The following ZC3H12B variants were observed in gnomAD, a reference collection of about 807,000 sequenced individuals.
ZC3H12B encodes the protein zinc finger CCCH-type containing 12B.
ZC3H12B carries 7 observed loss-of-function variants against 43.9 expected under a neutral mutation model. That is an observed-to-expected ratio of 0.16 (90% confidence interval 0.09 to 0.30). The LOEUF is 0.30. Ranked by LOEUF, ZC3H12B falls within the 10% of genes least tolerant of loss-of-function variation. The pLI is 1.00. For synonymous variants in ZC3H12B, 222 were observed against 241.7 expected (o/e 0.92, Z 0.76); for missense variants, 475 against 670.2 (o/e 0.71, Z 3.22).
chrX:65,067,065 G>C, the ZC3H12B span, among the ~76,000 whole-genome samples: 20 of 111,241 alleles, frequency 1.8e-4, no homozygotes, highest in Non-Finnish European at 3.0e-4. Flanking sequence ...GTGGATCATA[G>C]CTTGCTTTGC....
chrX:65,207,662 T>C, the ZC3H12B span, among the ~76,000 whole-genome samples: 1 of 102,546 alleles, frequency 9.8e-6, no homozygotes, highest in African/African-American at 3.7e-5. Context: ...CAATGCGGGC[T>C]CTTTTTTGGT....
chrX:65,360,119 C>T, the ZC3H12B span, among the ~76,000 whole-genome samples: 1 of 112,055 alleles, frequency 8.9e-6, no homozygotes, highest in South Asian at 3.7e-4. Context: ...ATTTTTTAGA[C>T]ATAATGCTAT....
the ZC3H12B span, among the ~76,000 whole-genome samples, chrX:65,039,475 A>T: frequency 8.9e-6 from 1 of 111,954 alleles, no homozygotes; most frequent in Non-Finnish European, 1.9e-5. Context: ...CAGTATTATT[A>T]TCACTATAAC....
chrX:65,038,857 G>C, the ZC3H12B span, among the ~76,000 whole-genome samples: 1 of 111,352 alleles, frequency 9.0e-6, no homozygotes, highest in East Asian at 2.8e-4. Flanking sequence ...AGTTTTAAAA[G>C]AATTACCATA....
chrX:65,045,953 A>G, the ZC3H12B span, among the ~76,000 whole-genome samples: 3 of 111,879 alleles, frequency 2.7e-5, no homozygotes, highest in African/African-American at 9.7e-5. Flanking sequence ...TTCAATGAGC[A>G]GTAATATGTT....
the ZC3H12B span, among the ~76,000 whole-genome samples, chrX:65,102,203 C>T: frequency 8.9e-6 from 1 of 111,815 alleles, no homozygotes; most frequent in Non-Finnish European, 1.9e-5. Context: ...GCTAAAAACT[C>T]TCCATAAACT....
chrX:65,087,416 G>A, the ZC3H12B span, among the ~76,000 whole-genome samples: 3 of 112,437 alleles, frequency 2.7e-5, no homozygotes, highest in South Asian at 1.1e-3. Flanking sequence ...ACTGGCACGG[G>A]AGTTGAAGAT....
chrX:65,098,038 TG>T, the ZC3H12B span, among the ~76,000 whole-genome samples: 2 of 111,815 alleles, frequency 1.8e-5, no homozygotes, highest in East Asian at 5.6e-4. Context: ...AACACCATTT[TG>T]TTTTTTATCA....
At chrX:65,301,296 A>C in the ZC3H12B span, among the ~76,000 whole-genome samples, 43 of 111,943 alleles carry the variant, frequency 3.8e-4, no homozygotes, top group African/African-American at 1.4e-3. Flanking sequence ...AGGAACAAAC[A>C]GTAGATCTAT....
chrX:65,084,804 C>G, the ZC3H12B span, among the ~76,000 whole-genome samples: 1 of 112,629 alleles, frequency 8.9e-6, no homozygotes, highest in African/African-American at 3.2e-5. Context: ...GATAGTTGCA[C>G]TCTCGTGTTT....
the ZC3H12B span, among the ~76,000 whole-genome samples, chrX:65,103,191 A>C: frequency 9.0e-6 from 1 of 111,393 alleles, no homozygotes; most frequent in Non-Finnish European, 1.9e-5. Flanking sequence ...TAAGACAGAC[A>C]TTCCCAGAGT....
At chrX:65,202,063 A>AAT in the ZC3H12B span, among the ~76,000 whole-genome samples, 3 of 87,926 alleles carry the variant, frequency 3.4e-5, no homozygotes, top group Non-Finnish European at 4.4e-5. Flanking sequence ...TATTATATGT[A>AAT]ATATATATAT....
At chrX:65,136,965 A>G in the ZC3H12B span, among the ~76,000 whole-genome samples, 2 of 112,020 alleles carry the variant, frequency 1.8e-5, no homozygotes, top group East Asian at 2.8e-4. Flanking sequence ...GATTGTCTTT[A>G]TAGCCTCACA....
chrX:65,142,560 A>G, the ZC3H12B span, among the ~76,000 whole-genome samples: 8 of 112,448 alleles, frequency 7.1e-5, no homozygotes, highest in Non-Finnish European at 1.3e-4. Flanking sequence ...TTTCTTGGTC[A>G]TGAAATTCTT....
the ZC3H12B span, among the ~76,000 whole-genome samples, chrX:65,193,534 T>C: frequency 3.6e-5 from 4 of 111,952 alleles, no homozygotes; most frequent in Non-Finnish European, 5.6e-5. Flanking sequence ...TCTTTTTTCT[T>C]ATTCTAGCTA....
the ZC3H12B span, among the ~76,000 whole-genome samples, chrX:65,255,344 A>AC: frequency 1.5e-4 from 17 of 112,008 alleles, no homozygotes; most frequent in Non-Finnish European, 3.2e-4. Context: ...GTATCAGGCT[A>AC]CCAGTGGAAC....
chrX:65,059,467 A>G, the ZC3H12B span, among the ~76,000 whole-genome samples: 1 of 111,037 alleles, frequency 9.0e-6, no homozygotes, highest in African/African-American at 3.3e-5. Flanking sequence ...AGCACCGTTT[A>G]TGGAAGAGAC....
intron 2 of ZC3H12B, among the ~76,000 whole-genome samples, chrX:65,497,501 C>CA (rs1055501612): frequency 1.8e-5 from 2 of 111,393 alleles, no homozygotes; most frequent in Admixed American, 9.5e-5. Flanking sequence ...CACATAGTTT[C>CA]AAAAAAAAGG....
the ZC3H12B span, among the ~76,000 whole-genome samples, chrX:65,213,073 A>G: frequency 1.0e-4 from 11 of 108,362 alleles, no homozygotes; most frequent in Non-Finnish European, 2.1e-4. Flanking sequence ...ATATTATACT[A>G]TTCTGATATA....
Sources: gnomAD v4.1 joint callset for allele counts (sites outside exome capture counted in the v4.1 genomes callset) on GRCh38, gnomAD v4.1.1 for gene constraint, MANE v1.5 for transcripts, NCBI Gene and HGNC (gene_info 2026-07-23, HGNC 2026-07-21) for gene names.